The following NCOA6 variants were observed in gnomAD, a reference collection of about 807,000 sequenced individuals.
NCOA6 encodes the protein NRC RAP250.
Under a neutral mutation model 171.4 loss-of-function variants are expected in NCOA6, and 49 were observed. That is an observed-to-expected ratio of 0.29 (90% confidence interval 0.23 to 0.36). NCOA6 has a LOEUF of 0.36. Among genes scored for constraint, NCOA6 ranks in the 10% least tolerant of loss-of-function variants. The pLI is 1.00. For synonymous variants in NCOA6, 910 were observed against 927.5 expected, an observed-to-expected ratio of 0.98 and a Z score of 0.34; for missense variants, 2,248 against 2,554.5, an observed-to-expected ratio of 0.88 and a Z score of 2.59.
At chr20:34,798,626 C>T (rs190317659) in intron 1 of NCOA6, among the ~76,000 whole-genome samples, 34 of 152,306 alleles carry the variant, frequency 2.2e-4, no homozygotes, top group Admixed American at 2.1e-3. Context: ...TCAGCATAGA[C>T]GGACAAATTC....
At chr20:34,777,800 C>T (rs911348983) in intron 3 of NCOA6, among the ~76,000 whole-genome samples, 3 of 152,192 alleles carry the variant, frequency 2.0e-5, no homozygotes, top group Admixed American at 6.5e-5. Context: ...GATATTTGTA[C>T]ACCATATTCA....
At chr20:34,780,571 A>C (rs1257416344) in intron 3 of NCOA6, among the ~76,000 whole-genome samples, 1 of 152,010 alleles carries the variant, frequency 6.6e-6, no homozygotes, top group Non-Finnish European at 1.5e-5. Flanking sequence ...GCTTGTCTCA[A>C]ACTCCTGGCC....
intron 9 of NCOA6, 136 bp downstream of exon 9, chr20:34,749,265 CTA>C (rs1181450135): frequency 7.3e-6 from 8 of 1,097,262 alleles, no homozygotes; most frequent in Non-Finnish European, 1.0e-5. Flanking sequence ...GCAAGACAGA[CTA>C]TGAGTTGATA....
chr20:34,747,086 G>C (rs1424352861), intron 9 of NCOA6, among the ~76,000 whole-genome samples, 158 bp from the exon 10 acceptor site: 5 of 151,960 alleles, frequency 3.3e-5, no homozygotes, highest in African/African-American at 1.2e-4. Context: ...TTAAATATTG[G>C]CATAAAAATA....
At chr20:34,768,408 A>C in intron 5 of NCOA6, 56 bp downstream of exon 5, 1 of 1,604,440 alleles carries the variant, frequency 6.2e-7, no homozygotes, top group Non-Finnish European at 8.5e-7. Context: ...CAAATGATCA[A>C]ATAAGCCAAA....
At chr20:34,808,147 T>C (rs2078524940) in intron 1 of NCOA6, among the ~76,000 whole-genome samples, 2 of 149,750 alleles carry the variant, frequency 1.3e-5, no homozygotes, top group South Asian at 4.2e-4. Context: ...AGATTCCGTC[T>C]CAAAAAGAAA....
intron 9 of NCOA6, 109 bp downstream of exon 9, chr20:34,749,294 G>A: frequency 1.3e-5 from 16 of 1,258,940 alleles, no homozygotes; most frequent in Non-Finnish European, 1.8e-5. Flanking sequence ...GAAGCAGGGG[G>A]ATTTCATTAT....
intron 1 of NCOA6, chr20:34,819,528 A>C (rs2146751528): frequency 6.6e-6 from 1 of 152,306 alleles, no homozygotes; most frequent in Admixed American, 6.5e-5. Context: ...TGGCGTGAGA[A>C]GAGTTCTATC....
intron 1 of NCOA6, among the ~76,000 whole-genome samples, chr20:34,814,884 G>A (rs2078781694): frequency 1.3e-5 from 2 of 152,166 alleles, no homozygotes; most frequent in South Asian, 4.1e-4. Context: ...GAGCCACAGT[G>A]TACAGCCTTA....
At position 34,743,315 on chromosome 20, in the gene NCOA6, T is replaced by C. The variant is rs758355397; in HGVS notation, c.2941A>G (p.Arg981Gly). The C allele has an allele frequency of 6.2e-7, 1 of 1,609,918 alleles. No homozygotes were observed. The highest frequency in any genetic ancestry group is 1.1e-5 in the South Asian group (1 of 90,906). ...PGYPSQPVEQ[R>G]PLQQMPPQLM... ...TGAGGAGGCATCTGCTGAAGTGGCCTCTGTTCAACTGGTTGAGAAGGATAA... is the reference window on the plus strand; with the variant it reads ...TGAGGAGGCATCTGCTGAAGTGGCCCCTGTTCAACTGGTTGAGAAGGATAA... The change falls in exon 11 of 15, where the codon AGG becomes GGG. Residue 981 changes from arginine to glycine, a missense_variant. Physicochemically the swap from Arg to Gly is moderately radical, Grantham distance 125. Transcript: ENST00000359003.
intron 1 of NCOA6, among the ~76,000 whole-genome samples, chr20:34,824,494 G>A (rs1470299739): frequency 6.6e-6 from 1 of 152,116 alleles, no homozygotes; most frequent in Non-Finnish European, 1.5e-5. Flanking sequence ...GACCTCTCCA[G>A]GTGACTCTGC....
At position 34,750,185 on chromosome 20, in the gene NCOA6, A is replaced by G. The variant is rs1259063166; in HGVS notation, c.2010T>C (p.Leu670=). The G allele has an allele frequency of 6.2e-7, 1 of 1,611,778 alleles. No homozygotes were observed. Among genetic ancestry groups the G allele is most frequent in the Non-Finnish European group, 8.5e-7 (1 of 1,178,740 alleles). Residue 670 remains leucine, a synonymous_variant, in exon 9 of 15, where the codon CTT becomes CTC. Transcript: ENST00000359003. ...GGGTCATCCTTTGGGGCGAGGGCCC[A>G]AGATTTTGGCTCGGGGGGTTCACCA... ...QMMVNPPSQN[L]GPSPQRMTPP...
chr20:34,759,061 T>A (rs1268643702), intron 5 of NCOA6, 128 bp from the exon 6 acceptor site: 2 of 975,532 alleles, frequency 2.1e-6, no homozygotes, highest in Non-Finnish European at 2.9e-6. Context: ...CTCGCTCTGT[T>A]GCCCAGTCTG....
intron 3 of NCOA6, among the ~76,000 whole-genome samples, chr20:34,780,235 C>T (rs2077474761): frequency 6.6e-6 from 1 of 152,224 alleles, no homozygotes; most frequent in South Asian, 2.1e-4. Context: ...AATCCATATT[C>T]ATAACAGTTA....
chr20:34,782,169 A>C lies in NCOA6; in HGVS notation c.187T>G (p.Trp63Gly). ...KGNIDDKDFK[W>G]KLDAILKNVP... ...TTTTTCAATATTGCATCTAATTTCC[A>C]TTTGAAGTCTTTATCATCTATATTT... Residue 63 changes from tryptophan to glycine, a missense_variant, in exon 3 of 15, where the codon TGG (tryptophan) becomes GGG (glycine). Coordinates refer to ENST00000359003, the MANE Select transcript of NCOA6 (RefSeq NM_014071.5). 6.2e-7 allele frequency: 1 copy of C among 1,610,426 alleles called. No homozygotes were observed. Among genetic ancestry groups the C allele is most frequent in the Non-Finnish European group, 8.5e-7 (1 of 1,178,362 alleles).
intron 5 of NCOA6, among the ~76,000 whole-genome samples, chr20:34,765,124 A>G (rs1266174712): frequency 7.2e-6 from 1 of 138,620 alleles, no homozygotes; most frequent in Non-Finnish European, 1.6e-5. Context: ...GCTTCACAAG[A>G]AAAAAAAAAA....
chr20:34,730,286 C>G (rs1165311484), intron 13 of NCOA6, among the ~76,000 whole-genome samples: 1 of 151,362 alleles, frequency 6.6e-6, no homozygotes, highest in Admixed American at 6.6e-5. Flanking sequence ...GACAGGGTCT[C>G]CCTATGTTGC....
intron 14 of NCOA6, among the ~76,000 whole-genome samples, chr20:34,715,783 A>C (rs1449494694): frequency 1.3e-5 from 2 of 152,298 alleles, no homozygotes; most frequent in South Asian, 4.1e-4. Flanking sequence ...GCAAAAAAAA[A>C]CCTGCCTTGG....
intron 14 of NCOA6, among the ~76,000 whole-genome samples, chr20:34,717,102 T>C (rs934118367): frequency 3.9e-5 from 6 of 152,172 alleles, no homozygotes; most frequent in Admixed American, 3.3e-4. Context: ...CTCTAATAAA[T>C]ATGTAGATTG....
Sources: allele counts gnomAD v4.1 joint callset (sites outside exome capture counted in the v4.1 genomes callset), GRCh38; gene constraint gnomAD v4.1.1; transcripts MANE v1.5; gene names NCBI Gene and HGNC (gene_info 2026-07-23, HGNC 2026-07-21).